The following SSBP2 variants were observed in gnomAD, a reference collection of about 807,000 sequenced individuals.
SSBP2 encodes single stranded DNA binding protein 2, also known as single-stranded DNA-binding protein 2.
Under a neutral mutation model 61.8 loss-of-function variants are expected in SSBP2, and 17 were observed. That is an observed-to-expected ratio of 0.28 (90% confidence interval 0.19 to 0.41). The LOEUF (loss-of-function observed/expected upper bound fraction) is 0.41. Ranked by LOEUF, SSBP2 falls within the 10% of genes least tolerant of loss-of-function variation. The probability of loss-of-function intolerance (pLI) is 1.00; values close to 1 mark genes in which losing one functional copy is unlikely to be tolerated. For synonymous variants in SSBP2, 139 were observed against 141.3 expected (o/e 0.98, Z 0.12); for missense variants, 310 against 458.7 (o/e 0.68, Z 2.96).
intron 9 of SSBP2, 35 bp from the exon 10 acceptor site, chr5:81,461,138 A>C (rs1764513570): frequency 6.6e-7 from 1 of 1,513,824 alleles, no homozygotes; most frequent in Non-Finnish European, 8.9e-7. Flanking sequence ...ATTTTAACCT[A>C]TGCTTTGAAG....
rs34403567 is a variant in SSBP2, at chr5:81,693,202, TAA to T, written c.63-42865_63-42864del. Among the ~76,000 whole-genome samples the T allele has an allele frequency of 7.9e-3, 913 of 116,100 alleles. 9 individuals are homozygous for T. Among genetic ancestry groups the T allele is most frequent in the Admixed American group, 8.0e-3 (87 of 10,884 alleles). The allele number at this position is 116,100 out of a possible 152,430, so 76.2% of individuals were successfully genotyped here. A position where few individuals can be genotyped will look rare whatever the true frequency, so the allele number is the denominator to read the frequency against. ...CTGGCGATGGAGCAAGACTTTGTCT[TAA>T]AAAAAAAAAAAAAAAAAAAGAAAGA... On this transcript the variant is annotated intron_variant, in intron 1 of 16. Transcript: ENST00000320672.
intron 4 of SSBP2, among the ~76,000 whole-genome samples, chr5:81,598,512 C>T (rs1232679816): frequency 1.3e-5 from 2 of 152,154 alleles, no homozygotes; most frequent in East Asian, 3.8e-4. Flanking sequence ...TATATCATTA[C>T]TGTTTGGGGA....
At chr5:81,569,549 A>T (rs1773687345) in intron 4 of SSBP2, among the ~76,000 whole-genome samples, 1 of 152,162 alleles carries the variant, frequency 6.6e-6, no homozygotes, top group African/African-American at 2.4e-5. Flanking sequence ...TTTTCCCTAA[A>T]CACCTCATGC....
intron 4 of SSBP2, among the ~76,000 whole-genome samples, chr5:81,514,556 T>C (rs1047052701): frequency 1.1e-4 from 16 of 152,112 alleles, no homozygotes; most frequent in African/African-American, 3.6e-4. Flanking sequence ...ATATTACAAA[T>C]ACTAAAAACA....
At chr5:81,549,857 T>A (rs984796035) in intron 4 of SSBP2, among the ~76,000 whole-genome samples, 1 of 152,224 alleles carries the variant, frequency 6.6e-6, no homozygotes, top group African/African-American at 2.4e-5. Context: ...CGACTGCCTG[T>A]TACTATGGCA....
chr5:81,736,251 A>C (rs1209291543), intron 1 of SSBP2, among the ~76,000 whole-genome samples: 2 of 152,034 alleles, frequency 1.3e-5, no homozygotes, highest in African/African-American at 4.8e-5. Context: ...GACTTCTTCC[A>C]AGCACAAAAT....
chr5:81,660,529 A>G (rs895173629), intron 1 of SSBP2, among the ~76,000 whole-genome samples: 2 of 152,212 alleles, frequency 1.3e-5, no homozygotes, highest in African/African-American at 4.8e-5. Flanking sequence ...GAGGCTGTAG[A>G]GAAACAGGAA....
chr5:81,636,547 G>A lies in SSBP2; in HGVS notation c.197+10C>T. On this transcript the variant is annotated intron_variant, in intron 3 of 16. Coordinates refer to ENST00000320672, the MANE Select transcript of SSBP2 (RefSeq NM_012446.5). Reference sequence around the variant, plus strand: ...ATCAAGCCAGTAAAAATGGAATAAAGGATACTTACCACCACCAAGAATGTA... The same window carrying A: ...ATCAAGCCAGTAAAAATGGAATAAAAGATACTTACCACCACCAAGAATGTA... The A allele has an allele frequency of 6.2e-7, 1 of 1,605,990 alleles. No homozygotes were observed. Among genetic ancestry groups the A allele is most frequent in the Non-Finnish European group, 8.5e-7 (1 of 1,175,110 alleles).
intron 6 of SSBP2, 112 bp downstream of exon 6, chr5:81,489,138 T>C: frequency 1.0e-6 from 1 of 979,762 alleles, no homozygotes. Context: ...AGAAATAGCA[T>C]TAAATGGGAC....
chr5:81,606,300 A>C (rs894291875), intron 4 of SSBP2, among the ~76,000 whole-genome samples: 5 of 152,202 alleles, frequency 3.3e-5, no homozygotes, highest in African/African-American at 1.2e-4. Context: ...ACTACGCAGT[A>C]AAAGGCAGCT....
At chr5:81,658,494 T>A (rs1187852642) in intron 1 of SSBP2, among the ~76,000 whole-genome samples, 1 of 152,196 alleles carries the variant, frequency 6.6e-6, no homozygotes, top group Non-Finnish European at 1.5e-5. Context: ...TTAAATCATC[T>A]CTAGATTACT....
chr5:81,705,097 A>C (rs1173824068), intron 1 of SSBP2, among the ~76,000 whole-genome samples: 1 of 152,152 alleles, frequency 6.6e-6, no homozygotes, highest in Non-Finnish European at 1.5e-5. Context: ...TGTATATAAT[A>C]TACAACAAAT....
intron 1 of SSBP2, among the ~76,000 whole-genome samples, chr5:81,697,639 T>G (rs1241693815): frequency 6.6e-6 from 1 of 152,200 alleles, no homozygotes; most frequent in Admixed American, 6.5e-5. Context: ...ATCTTATCTT[T>G]TCTAGAACTA....
chr5:81,622,539 A>G (rs1476539475), intron 3 of SSBP2, among the ~76,000 whole-genome samples: 1 of 152,166 alleles, frequency 6.6e-6, no homozygotes, highest in Non-Finnish European at 1.5e-5. Flanking sequence ...CCTCTATAAA[A>G]TGGGGTTGCT....
chr5:81,702,631 T>C (rs766734027), intron 1 of SSBP2, among the ~76,000 whole-genome samples: 2 of 152,216 alleles, frequency 1.3e-5, no homozygotes, highest in Non-Finnish European at 2.9e-5. Flanking sequence ...ATCCAGACAT[T>C]TGAGTGTGAG....
chr5:81,533,547 G>T (rs1025731729), intron 4 of SSBP2, among the ~76,000 whole-genome samples: 65 of 151,934 alleles, frequency 4.3e-4, no homozygotes, highest in Non-Finnish European at 1.0e-4. Context: ...GTTCTGTTAC[G>T]CCATGTAAGA....
intron 10 of SSBP2, among the ~76,000 whole-genome samples, chr5:81,452,529 G>T (rs1377751876): frequency 6.6e-6 from 1 of 152,216 alleles, no homozygotes; most frequent in Non-Finnish European, 1.5e-5. Context: ...GATAAAGAGT[G>T]ATAGGCAGTG....
intron 4 of SSBP2, among the ~76,000 whole-genome samples, chr5:81,520,804 C>G (rs1307877499): frequency 6.6e-6 from 1 of 152,066 alleles, no homozygotes; most frequent in African/African-American, 2.4e-5. Context: ...ACACTGTTGT[C>G]AGTCCATTTC....
chr5:81,568,866 A>G (rs1773637021), intron 4 of SSBP2, among the ~76,000 whole-genome samples: 2 of 152,196 alleles, frequency 1.3e-5, no homozygotes, highest in South Asian at 4.1e-4. Context: ...AATATAACAT[A>G]TGTGTCAAAA....
Sources: allele counts gnomAD v4.1 joint callset (sites outside exome capture counted in the v4.1 genomes callset), GRCh38; gene constraint gnomAD v4.1.1; transcripts MANE v1.5; gene names NCBI Gene and HGNC (gene_info 2026-07-23, HGNC 2026-07-21).